NIPSNAP2: variants seen among roughly 807,000 people sequenced by gnomAD.
NIPSNAP2 encodes nipsnap homolog 2, also known as protein NipSnap homolog 2.
NIPSNAP2 carries 42 observed loss-of-function variants against 48.4 expected under a neutral mutation model. That is an observed-to-expected ratio of 0.87 (90% CI 0.68 to 1.12). NIPSNAP2 has a LOEUF of 1.12. Ranked by LOEUF, NIPSNAP2 falls within the 50% of genes most tolerant of loss-of-function variation. The pLI is 0.00. For missense variants in NIPSNAP2, 314 were observed against 347.3 expected (o/e 0.90, Z 0.76); for synonymous variants, 158 against 126.6 (o/e 1.25, Z -1.67).
Position 55,974,615 on chromosome 7 carries a change from G to A in NIPSNAP2, c.93-3511G>A, listed in dbSNP as rs535796592. ...TGTAATCCCAGCACTTTGGGAGGCCGAGGCAGGCGGATCATGAGGTCAGGA... is the reference window on the plus strand; with the variant it reads ...TGTAATCCCAGCACTTTGGGAGGCCAAGGCAGGCGGATCATGAGGTCAGGA... On this transcript the variant is annotated intron_variant, in intron 1 of 9. Coordinates refer to ENST00000322090, the MANE Select transcript of NIPSNAP2 (RefSeq NM_001483.3). Among the ~76,000 whole-genome samples, 9 of 152,116 alleles carry A rather than the reference G, an allele frequency of 5.9e-5. No homozygotes were observed. The East Asian group carries it at 1.2e-3, about 20-fold the overall frequency.
At chr7:55,976,731 TA>T (rs1479747510) in intron 1 of NIPSNAP2, among the ~76,000 whole-genome samples, 5 of 151,872 alleles carry the variant, frequency 3.3e-5, no homozygotes, top group African/African-American at 1.2e-4. Flanking sequence ...ACAAAAAATT[TA>T]AAAAAATTAA....
At chr7:55,995,084 C>A in intron 8 of NIPSNAP2, 96 bp downstream of exon 8, 1 of 1,006,030 alleles carries the variant, frequency 9.9e-7, no homozygotes, top group Non-Finnish European at 1.6e-6. Context: ...TAACCTTAAC[C>A]ACTACAGCAA....
chr7:55,989,676 G>A (rs1435077403), intron 7 of NIPSNAP2, among the ~76,000 whole-genome samples: 1 of 152,028 alleles, frequency 6.6e-6, no homozygotes, highest in Non-Finnish European at 1.5e-5. Flanking sequence ...TTGACCATTG[G>A]TTAGCTGAAG....
At chr7:55,996,390 A>T (rs1425228954) in intron 8 of NIPSNAP2, among the ~76,000 whole-genome samples, 1 of 151,698 alleles carries the variant, frequency 6.6e-6, no homozygotes, top group Non-Finnish European at 1.5e-5. Context: ...CTTTCTTCCT[A>T]TTCCTACGTC....
chr7:55,985,167 T>C (rs528647041), intron 7 of NIPSNAP2, among the ~76,000 whole-genome samples: 15 of 152,330 alleles, frequency 9.8e-5, no homozygotes, highest in South Asian at 8.3e-4. Context: ...CCAGACAGCA[T>C]TCTATTTCAT....
At chr7:55,969,712 G>T (rs1222231694) in intron 1 of NIPSNAP2, among the ~76,000 whole-genome samples, 1 of 152,124 alleles carries the variant, frequency 6.6e-6, no homozygotes, top group Non-Finnish European at 1.5e-5. Context: ...TGCCGGGCGC[G>T]GTGGCTCACG....
intron 1 of NIPSNAP2, among the ~76,000 whole-genome samples, chr7:55,976,987 T>G (rs762591981): frequency 6.6e-6 from 1 of 152,226 alleles, no homozygotes; most frequent in Non-Finnish European, 1.5e-5. Flanking sequence ...AATAGAAATT[T>G]AATTATGAGA....
chr7:55,985,019 T>A (rs1787298124), intron 7 of NIPSNAP2, 141 bp downstream of exon 7: 1 of 628,034 alleles, frequency 1.6e-6, no homozygotes, highest in Non-Finnish European at 2.7e-6. Context: ...GTTTTTATTA[T>A]GAGATTTTTC....
chr7:55,966,012 C>G (rs1259309078), intron 1 of NIPSNAP2, among the ~76,000 whole-genome samples: 1 of 152,190 alleles, frequency 6.6e-6, no homozygotes, highest in African/African-American at 2.4e-5. Context: ...GAGTGCCTAC[C>G]ACGTGCCAGG....
intron 9 of NIPSNAP2, among the ~76,000 whole-genome samples, chr7:55,998,570 G>A (rs781552537): frequency 9.2e-5 from 12 of 129,880 alleles, no homozygotes; most frequent in Non-Finnish European, 6.2e-5. Flanking sequence ...ACGCGATCTC[G>A]GCTCACTGCA....
At chr7:55,987,693 T>TGCTAAGTGAAATAAGAGG (rs1787360453) in intron 7 of NIPSNAP2, among the ~76,000 whole-genome samples, 2 of 152,158 alleles carry the variant, frequency 1.3e-5, no homozygotes, top group African/African-American at 4.8e-5. Flanking sequence ...GAGGATGTAA[T>TGCTAAGTGAAATAAGAGG]GCTAAGTGAA....
In NIPSNAP2 at chr7:55,982,190, T is replaced by G. The variant is rs1307947215; in HGVS notation, c.374-20T>G. On this transcript the variant is annotated intron_variant, in intron 4 of 9. Transcript: ENST00000322090. Reference sequence around the variant, plus strand: ...ATCATGAAATTCTAAACGTATACTGTCTTTTAAAATGCATTTCAGTCCACC... The same window carrying G: ...ATCATGAAATTCTAAACGTATACTGGCTTTTAAAATGCATTTCAGTCCACC... 38 of 1,525,364 alleles carry G rather than the reference T, an allele frequency of 2.5e-5. No homozygotes were observed. Among genetic ancestry groups the G allele is most frequent in the Non-Finnish European group, 3.3e-5 (36 of 1,100,872 alleles). 94.5% of individuals were successfully genotyped at this position (1,525,364 alleles called of 1,614,324 possible).
At chr7:55,992,882 CCCTT>C (rs1787480460) in intron 7 of NIPSNAP2, among the ~76,000 whole-genome samples, 1 of 152,114 alleles carries the variant, frequency 6.6e-6, no homozygotes, top group African/African-American at 2.4e-5. Flanking sequence ...CATTTGAAGC[CCCTT>C]CCTTTTCACC....
At chr7:55,979,909 C>G in intron 3 of NIPSNAP2, 1 of 455,008 alleles carries the variant, frequency 2.2e-6, no homozygotes, top group South Asian at 1.6e-5. Context: ...CTCCTAAGAG[C>G]AGGTTTGGGG....
intron 5 of NIPSNAP2, 52 bp downstream of exon 5, chr7:55,982,332 A>G (rs1422585113): frequency 9.5e-7 from 1 of 1,048,076 alleles, no homozygotes; most frequent in East Asian, 2.5e-5. Context: ...AGATGTTAGT[A>G]CAGAATTAAA....
intron 7 of NIPSNAP2, among the ~76,000 whole-genome samples, chr7:55,988,051 C>A (rs570414190): frequency 1.3e-5 from 2 of 152,136 alleles, no homozygotes; most frequent in East Asian, 3.9e-4. Context: ...CACCTGAGAT[C>A]AGGAGTTTGA....
At position 55,998,406 on chromosome 7, in the gene NIPSNAP2, C is replaced by T. The variant is rs7810080; in HGVS notation, c.797-602C>T. On this transcript the variant is annotated intron_variant, in intron 9 of 9. Transcript: ENST00000322090. ...TAATTGTATTTGATTTTGCTGCTTA[C>T]GCGAACGTTTGAGAAATCACCATTT... is the stretch of plus-strand genomic sequence containing the variant. Among the ~76,000 whole-genome samples, 1,248 of 151,052 alleles carry T rather than the reference C, an allele frequency of 8.3e-3. 14 individuals carry two copies. Among genetic ancestry groups the T allele is most frequent in the African/African-American group, 0.029 (1,191 of 41,164 alleles).
chr7:55,967,288 C>T (rs73698976), intron 1 of NIPSNAP2, among the ~76,000 whole-genome samples: 3,710 of 152,318 alleles, frequency 0.024, 147 homozygotes, highest in African/African-American at 0.08. Context: ...GATGGTCTTC[C>T]CCAAGCCCAT....
rs117168091 is a variant in NIPSNAP2, at chr7:55,966,175, A to G, written c.92+1474A>G. 2.9e-3 allele frequency among the ~76,000 whole-genome samples: 437 copies of G among 152,306 alleles called. 9 individuals are homozygous for G. In the South Asian group the frequency reaches 0.041, roughly 14 times the overall value. On this transcript the variant is annotated intron_variant, in intron 1 of 9. Coordinates refer to ENST00000322090, the MANE Select transcript of NIPSNAP2 (RefSeq NM_001483.3). ...TGTGTGCTATTCAAGTGGAAACGCA[A>G]ACAGACAGTTGGCAGTATGACTCCT...
Sources: allele counts gnomAD v4.1 joint callset (sites outside exome capture counted in the v4.1 genomes callset), GRCh38; gene constraint gnomAD v4.1.1; transcripts MANE v1.5; gene names NCBI Gene and HGNC (gene_info 2026-07-23, HGNC 2026-07-21).